The following UBP1 variants were observed in gnomAD, a reference collection of about 807,000 sequenced individuals.
UBP1 encodes upstream-binding protein 1.
A neutral mutation model predicts 76.1 loss-of-function variants in UBP1; 22 were observed. The observed-to-expected ratio is 0.29, with a 90% confidence interval of 0.21 to 0.41. The LOEUF (loss-of-function observed/expected upper bound fraction) is 0.41. Among genes scored for constraint, UBP1 ranks in the 10% least tolerant of loss-of-function variants. The pLI is 1.00. For missense variants in UBP1, 436 were observed against 668.1 expected (o/e 0.65, Z 3.83); for synonymous variants, 224 against 237.1 (o/e 0.94, Z 0.51).
intron 1 of UBP1, among the ~76,000 whole-genome samples, chr3:33,437,939 GA>G (rs1050701532): frequency 1.3e-5 from 2 of 148,856 alleles, no homozygotes; most frequent in Admixed American, 6.7e-5. Context: ...AATTAAATAC[GA>G]AAAAAAAACC....
Position 33,413,322 on chromosome 3 carries a change from G to C in UBP1, c.343-495C>G, listed in dbSNP as rs533432369. 1.6e-3 allele frequency among the ~76,000 whole-genome samples: 202 copies of C among 128,630 alleles called. 2 individuals are homozygous for C. Among genetic ancestry groups the C allele is most frequent in the African/African-American group, 6.0e-3 (194 of 32,250 alleles). 84.4% of individuals were successfully genotyped at this position (128,630 alleles called of 152,430 possible). A position where few individuals can be genotyped will look rare whatever the true frequency, so the allele number is the denominator to read the frequency against. On this transcript the variant is annotated intron_variant, in intron 3 of 15. Transcript: ENST00000283629. ...AGCACTTTGGGAGGCTGAGGTGGGA[G>C]GATCACGAGGTCAGGGAGATTGGGA... is the stretch of plus-strand genomic sequence containing the variant.
At chr3:33,426,136 G>A (rs1456547205) in intron 1 of UBP1, among the ~76,000 whole-genome samples, 1 of 149,966 alleles carries the variant, frequency 6.7e-6, no homozygotes, top group Admixed American at 6.7e-5. Flanking sequence ...TGAAAGGCAA[G>A]AAATAATACT....
rs914488146 is a variant in UBP1, at chr3:33,409,659, T to C, written c.556-58A>G. The C allele has an allele frequency of 1.9e-6, 3 of 1,609,734 alleles. No individual in the cohort carries two copies. In the South Asian group the frequency reaches 3.3e-5, roughly 18 times the overall value. On this transcript the variant is annotated intron_variant, in intron 5 of 15. Transcript: ENST00000283629. ...AGAACTTCCACTGGTTATTTTTCTATTTTGTTCCCTCTTGAGTGACCTGAC... is the reference window on the plus strand; with the variant it reads ...AGAACTTCCACTGGTTATTTTTCTACTTTGTTCCCTCTTGAGTGACCTGAC...
intron 8 of UBP1, among the ~76,000 whole-genome samples, chr3:33,404,485 T>TAAAAAAA (rs147464429): frequency 6.9e-6 from 1 of 144,366 alleles, no homozygotes; most frequent in Non-Finnish European, 1.5e-5. Flanking sequence ...ATAATAGGAT[T>TAAAAAAA]AAAAAAAAAA....
intron 1 of UBP1, among the ~76,000 whole-genome samples, chr3:33,433,563 G>C (rs982681274): frequency 6.6e-6 from 1 of 150,936 alleles, no homozygotes; most frequent in East Asian, 2.0e-4. Flanking sequence ...TGAGGCAGGA[G>C]AATCACTTGA....
intron 3 of UBP1, among the ~76,000 whole-genome samples, chr3:33,415,780 G>T (rs2044712671): frequency 6.6e-6 from 1 of 150,954 alleles, no homozygotes; most frequent in Admixed American, 6.6e-5. Flanking sequence ...AACAAAGAAA[G>T]ACAAAAACAG....
At chr3:33,405,029 A>G (rs1288546592) in intron 8 of UBP1, among the ~76,000 whole-genome samples, 1 of 152,198 alleles carries the variant, frequency 6.6e-6, no homozygotes, top group African/African-American at 2.4e-5. Flanking sequence ...TAAGTTTTAA[A>G]TATCTTGACT....
intron 14 of UBP1, 106 bp downstream of exon 14, chr3:33,393,206 T>C: frequency 8.5e-7 from 1 of 1,172,378 alleles, no homozygotes; most frequent in Admixed American, 3.0e-5. Flanking sequence ...AAAATGATTC[T>C]CATAAGTATT....
intron 1 of UBP1, among the ~76,000 whole-genome samples, chr3:33,439,472 G>C (rs68175969): frequency 0.26 from 39,346 of 152,138 alleles, 6,014 homozygotes; most frequent in East Asian, 0.47. Flanking sequence ...CTAATAGCTG[G>C]GCGTGTTTTA....
chr3:33,402,264 C>G (rs1166998004), intron 9 of UBP1, among the ~76,000 whole-genome samples: 2 of 152,224 alleles, frequency 1.3e-5, no homozygotes, highest in East Asian at 3.8e-4. Context: ...TTACTCTAGA[C>G]TCTTGCCAGT....
At chr3:33,402,131 G>A (rs781570510) in intron 9 of UBP1, among the ~76,000 whole-genome samples, 1 of 152,086 alleles carries the variant, frequency 6.6e-6, no homozygotes, top group Non-Finnish European at 1.5e-5. Context: ...TAAAAATAGG[G>A]AACTTCTGAT....
chr3:33,394,965 A>G (rs1460668864), intron 13 of UBP1, among the ~76,000 whole-genome samples: 2 of 152,064 alleles, frequency 1.3e-5, no homozygotes, highest in South Asian at 2.1e-4. Context: ...AATATTTACT[A>G]CCTGACCTTT....
rs1420212147 is a variant in UBP1 at position 33,389,792 on chromosome 3, A to C, written c.*539T>G. On this transcript the variant is annotated 3_prime_UTR_variant, in exon 16 of 16. Coordinates refer to ENST00000283629, the MANE Select transcript of UBP1 (RefSeq NM_014517.5). ...TATCAAACGTACACCCTCAGACATG[A>C]TTTCTTCCAAGAAGGTGCCGAGCCT... The C allele has an allele frequency of 1.3e-5, 2 of 154,024 alleles. No homozygotes were observed. Among genetic ancestry groups the C allele is most frequent in the African/African-American group, 4.8e-5 (2 of 41,384 alleles). The allele number at this position is 154,024 out of a possible 1,614,324, so 9.5% of individuals were successfully genotyped here. A position where few individuals can be genotyped will look rare whatever the true frequency, so the allele number is the denominator to read the frequency against.
At chr3:33,419,345 T>C (rs544966812) in intron 2 of UBP1, among the ~76,000 whole-genome samples, 9 of 151,394 alleles carry the variant, frequency 5.9e-5, no homozygotes, top group Non-Finnish European at 1.2e-4. Context: ...AAATACAAAA[T>C]TAGGCTGGGC....
chr3:33,419,009 G>A (rs2044812067), intron 2 of UBP1, among the ~76,000 whole-genome samples: 1 of 152,110 alleles, frequency 6.6e-6, no homozygotes, highest in Non-Finnish European at 1.5e-5. Context: ...TTAGAGAAAT[G>A]CAAATTAAAA....
intron 1 of UBP1, among the ~76,000 whole-genome samples, chr3:33,431,355 T>C (rs1404184728): frequency 1.3e-5 from 2 of 152,296 alleles, no homozygotes; most frequent in African/African-American, 4.8e-5. Flanking sequence ...TACCAATTCA[T>C]GGATTCAAGA....
chr3:33,408,382 A>C (rs1382883363), intron 8 of UBP1, among the ~76,000 whole-genome samples: 2 of 152,240 alleles, frequency 1.3e-5, no homozygotes, highest in African/African-American at 2.4e-5. Context: ...GTGTGTGTGA[A>C]GGAGAGAGGG....
Position 33,390,316 on chromosome 3 carries a change from A to G in UBP1, c.*15T>C, listed in dbSNP as rs139935797. 8.9e-5 allele frequency: 144 copies of G among 1,613,164 alleles called. 1 individual carries two copies. The highest frequency in any genetic ancestry group is 7.8e-4 in the Admixed American group (47 of 59,994). Reference sequence around the variant, plus strand: ...GACTATTTGGTACTGAATACAGTTCAGTCTATATAAGACATCACTTCAAAA... The same window carrying G: ...GACTATTTGGTACTGAATACAGTTCGGTCTATATAAGACATCACTTCAAAA... On this transcript the variant is annotated 3_prime_UTR_variant, in exon 16 of 16. Coordinates refer to ENST00000283629, the MANE Select transcript of UBP1 (RefSeq NM_014517.5).
chr3:33,409,376 T>A, intron 6 of UBP1, 30 bp from the exon 7 acceptor site: 1 of 1,613,976 alleles, frequency 6.2e-7, no homozygotes, highest in South Asian at 1.1e-5. Flanking sequence ...ATTTCATCTA[T>A]CAGGCTGCAG....
Sources: allele counts gnomAD v4.1 joint callset (sites outside exome capture counted in the v4.1 genomes callset), GRCh38; gene constraint gnomAD v4.1.1; transcripts MANE v1.5; gene names NCBI Gene and HGNC (gene_info 2026-07-23, HGNC 2026-07-21).